The following RPH3A variants were observed in gnomAD, a reference collection of about 807,000 sequenced individuals.
RPH3A encodes rabphilin-3A.
RPH3A carries 48 observed loss-of-function variants against 102.2 expected under a neutral mutation model. The ratio of observed to expected loss-of-function variants is 0.47; its 90% CI spans 0.37 to 0.60. The LOEUF (loss-of-function observed/expected upper bound fraction) is 0.60, where lower values mean the gene tolerates loss of function less well. Among genes scored for constraint, RPH3A ranks in the 20% least tolerant of loss-of-function variants. The pLI is 0.00. For missense variants in RPH3A, 781 were observed against 910.1 expected (o/e 0.86, Z 1.83); for synonymous variants, 310 against 324.3 (o/e 0.96, Z 0.47).
intron 1 of RPH3A, among the ~76,000 whole-genome samples, chr12:112,653,795 T>G (rs1458508447): frequency 6.6e-6 from 1 of 152,234 alleles, no homozygotes; most frequent in Non-Finnish European, 1.5e-5. Flanking sequence ...AAGACATTGT[T>G]AAATCACAAA....
intron 1 of RPH3A, among the ~76,000 whole-genome samples, chr12:112,627,594 C>T (rs370291207): frequency 2.0e-5 from 3 of 151,888 alleles, no homozygotes; most frequent in Non-Finnish European, 4.4e-5. Flanking sequence ...GTGGCAAGAA[C>T]AGACTAGAGA....
intron 1 of RPH3A, among the ~76,000 whole-genome samples, chr12:112,602,271 T>C (rs2039564777): frequency 6.6e-6 from 1 of 152,198 alleles, no homozygotes; most frequent in Non-Finnish European, 1.5e-5. Context: ...CACTCCTTCA[T>C]GGTGCCTTTC....
At chr12:112,790,956 T>C (rs932873063), upstream of RPH3A, among the ~76,000 whole-genome samples, 2 of 152,220 alleles carry the variant, frequency 1.3e-5, no homozygotes, top group Admixed American at 6.5e-5. Flanking sequence ...TATTGTTGCA[T>C]TTTAACCTCT....
intron 18 of RPH3A, 72 bp from the exon 19 acceptor site, chr12:112,890,777 C>A: frequency 6.5e-7 from 1 of 1,531,648 alleles, no homozygotes. Context: ...TAGGTTCTTC[C>A]CTAATGCTCG....
At chr12:112,894,486 A>C in intron 19 of RPH3A, 92 bp from the exon 20 acceptor site, 1 of 1,078,334 alleles carries the variant, frequency 9.3e-7, no homozygotes, top group Non-Finnish European at 1.4e-6. Context: ...TTATTCATCA[A>C]TTCACCCTGA....
intron 1 of RPH3A, among the ~76,000 whole-genome samples, chr12:112,636,289 A>G (rs1476789514): frequency 6.6e-6 from 1 of 152,138 alleles, no homozygotes; most frequent in Non-Finnish European, 1.5e-5. Context: ...CACACATATC[A>G]CTTCTACTCA....
intron 1 of RPH3A, among the ~76,000 whole-genome samples, chr12:112,706,614 T>C (rs2040428890): frequency 6.6e-6 from 1 of 152,120 alleles, no homozygotes; most frequent in Non-Finnish European, 1.5e-5. Context: ...GAATAACGCA[T>C]AGAGGTTTAG....
chr12:112,848,298 A>G (rs2042266042), intron 5 of RPH3A, among the ~76,000 whole-genome samples: 1 of 152,178 alleles, frequency 6.6e-6, no homozygotes, highest in South Asian at 2.1e-4. Context: ...AGGAGGACAG[A>G]GAGTAGGTAA....
chr12:112,689,509 T>C (rs1164202775), intron 1 of RPH3A, among the ~76,000 whole-genome samples: 1 of 152,262 alleles, frequency 6.6e-6, no homozygotes, highest in African/African-American at 2.4e-5. Context: ...GCTGCTGATT[T>C]GTAACCTCTG....
chr12:112,896,894 C>T lies in RPH3A; in HGVS notation c.*114C>T. ...CTACCTCCCCCCATACCCTGCTGAT[C>T]TCCCTGAGCCTGCCTTTGAGCCCCC... On this transcript the variant is annotated 3_prime_UTR_variant, in exon 22 of 22. Transcript: ENST00000389385. The T allele has an allele frequency of 8.6e-7, 1 of 1,167,836 alleles. No homozygotes were observed. 72.3% of individuals were successfully genotyped at this position (1,167,836 alleles called of 1,614,324 possible).
intron 4 of RPH3A, among the ~76,000 whole-genome samples, chr12:112,843,179 C>T (rs2042174235): frequency 6.6e-6 from 1 of 152,190 alleles, no homozygotes; most frequent in African/African-American, 2.4e-5. Flanking sequence ...ATTCTTGAGG[C>T]CCTCGTGCCC....
chr12:112,840,867 T>C (rs928956410), intron 4 of RPH3A, among the ~76,000 whole-genome samples: 1 of 152,178 alleles, frequency 6.6e-6, no homozygotes, highest in Non-Finnish European at 1.5e-5. Flanking sequence ...TCTTTGCAGA[T>C]TAGCCAGCGG....
At chr12:112,687,276 T>C (rs1364740949) in intron 1 of RPH3A, among the ~76,000 whole-genome samples, 1 of 152,234 alleles carries the variant, frequency 6.6e-6, no homozygotes, top group East Asian at 1.9e-4. Context: ...GGACCCAGGC[T>C]CTTTTTATCT....
intron 2 of RPH3A, among the ~76,000 whole-genome samples, chr12:112,821,986 AC>A (rs1288846863): frequency 2.0e-4 from 29 of 148,176 alleles, no homozygotes; most frequent in Admixed American, 1.3e-3. Context: ...AAAAAAAAAA[AC>A]CCCTTCATGG....
chr12:112,694,133 C>T (rs771066680), intron 1 of RPH3A, among the ~76,000 whole-genome samples: 30 of 152,216 alleles, frequency 2.0e-4, no homozygotes, highest in Non-Finnish European at 2.1e-4. Flanking sequence ...CCCTGAGTGG[C>T]CCTCCTTTGC....
At chr12:112,666,846 A>G (rs534020460) in intron 1 of RPH3A, among the ~76,000 whole-genome samples, 1 of 152,328 alleles carries the variant, frequency 6.6e-6, no homozygotes, top group African/African-American at 2.4e-5. Flanking sequence ...CATTGTTACC[A>G]TATGTTCAAA....
At chr12:112,690,150 A>G (rs2040295449) in intron 1 of RPH3A, among the ~76,000 whole-genome samples, 1 of 152,258 alleles carries the variant, frequency 6.6e-6, no homozygotes, top group African/African-American at 2.4e-5. Flanking sequence ...CATTTGTAGA[A>G]AAGTTGGAAA....
Position 112,870,037 on chromosome 12 carries a change from C to G in RPH3A, c.794C>G (p.Ala265Gly), listed in dbSNP as rs746199452. The G allele has an allele frequency of 6.2e-7, 1 of 1,610,372 alleles. No homozygotes were observed. Reference protein sequence around the residue: ...GGAGDSSRSPAGLRRANSVQA... With the variant: ...GGAGDSSRSPGGLRRANSVQA... ...GCTGGAGACTCCAGCCGGAGCCCAG[C>G]AGGTGAGCAAGATGGGCAAATCCAG... is the stretch of plus-strand genomic sequence containing the variant. The change falls in exon 10 of 22, where the codon GCA (alanine) becomes GGA (glycine). Residue 265 changes from alanine (A) to glycine (G), a missense_variant and splice_region_variant. Ala to Gly is a moderately conservative substitution (Grantham distance 60, BLOSUM62 0). This residue lies in a region of RPH3A where 730 missense variants were observed against 810.0 expected (regional missense o/e 0.90). Coordinates refer to ENST00000389385, the MANE Select transcript of RPH3A (RefSeq NM_001143854.2).
intron 1 of RPH3A, among the ~76,000 whole-genome samples, chr12:112,695,874 G>A (rs1322071519): frequency 1.3e-5 from 2 of 152,160 alleles, no homozygotes; most frequent in Admixed American, 6.5e-5. Context: ...TGAGGGTACA[G>A]GTGGTTTTTG....
Sources: gnomAD v4.1 joint callset for allele counts (sites outside exome capture counted in the v4.1 genomes callset) on GRCh38, gnomAD v4.1.1 for gene constraint, gnomAD v4.1.1 regional missense constraint, MANE v1.5 for transcripts, NCBI Gene and HGNC (gene_info 2026-07-23, HGNC 2026-07-21) for gene names.